WDR62: variants seen among roughly 807,000 people sequenced by gnomAD.
WDR62 encodes the protein WD repeat domain 62.
WDR62 carries 112 observed loss-of-function variants against 160.6 expected under a neutral mutation model. That is an observed-to-expected ratio of 0.70 (90% confidence interval 0.60 to 0.82). The LOEUF (loss-of-function observed/expected upper bound fraction) is 0.82, where lower values mean the gene tolerates loss of function less well. WDR62 is among the 40% of genes least tolerant of loss of function. The pLI is 0.00. For synonymous variants in WDR62, 792 were observed against 815.1 expected (o/e 0.97, Z 0.48); for missense variants, 1,819 against 1,983.8 (o/e 0.92, Z 1.58).
At chr19:36,068,254 G>A (rs1971050972) in intron 7 of WDR62, among the ~76,000 whole-genome samples, 1 of 152,228 alleles carries the variant, frequency 6.6e-6, no homozygotes, top group South Asian at 2.1e-4. Flanking sequence ...TTGGTACCCT[G>A]AAATGGGCTC....
intron 13 of WDR62, among the ~76,000 whole-genome samples, chr19:36,087,500 G>C (rs2145753539): frequency 6.8e-6 from 1 of 147,578 alleles, no homozygotes; most frequent in Middle Eastern, 3.7e-3. Flanking sequence ...GACAATGCGA[G>C]ACTTTGTCTC....
At chr19:36,085,565 G>A (rs567950348) in intron 12 of WDR62, among the ~76,000 whole-genome samples, 7 of 151,410 alleles carry the variant, frequency 4.6e-5, no homozygotes, top group South Asian at 4.2e-4. Context: ...TCAGCCTCTC[G>A]AGAGTAGCTG....
chr19:36,069,280 G>A (rs1188125175), intron 7 of WDR62, among the ~76,000 whole-genome samples: 21 of 151,742 alleles, frequency 1.4e-4, no homozygotes, highest in African/African-American at 4.8e-4. Context: ...CAGACGGGGC[G>A]GCTGCCGGGC....
chr19:36,081,970 C>T (rs535534289), intron 10 of WDR62: 93 of 397,608 alleles, frequency 2.3e-4, no homozygotes, highest in African/African-American at 1.1e-3. Context: ...AGAATGCTGG[C>T]GAGAGCCATG....
chr19:36,091,145 C>T (rs954988755), intron 16 of WDR62, 55 bp from the exon 17 acceptor site: 3 of 1,506,296 alleles, frequency 2.0e-6, no homozygotes, highest in South Asian at 2.3e-5. Context: ...GCCCAGGCCT[C>T]ATCATAAGGA....
chr19:36,083,029 G>T, intron 10 of WDR62, 34 bp from the exon 11 acceptor site: 2 of 1,596,690 alleles, frequency 1.3e-6, no homozygotes, highest in Non-Finnish European at 1.7e-6. Context: ...CTTCTGAGCT[G>T]CTCGTGCTGA....
Position 36,066,356 on chromosome 19 carries a change from T to C in WDR62, c.490T>C (p.Ser164Pro). 1 of 1,613,940 alleles carries C rather than the reference T, an allele frequency of 6.2e-7. No homozygotes were observed. The highest frequency in any genetic ancestry group is 8.5e-7 in the Non-Finnish European group (1 of 1,179,892). Residue 164 changes from serine (S) to proline (P), a missense_variant, in exon 5 of 32, where the codon TCA becomes CCA. Transcript: ENST00000401500. ...GTATGGTGTGGCGTGTGTGGCCTTC[T>C]CACCCAATATGAAGCACATCGTGTC... is the stretch of plus-strand genomic sequence containing the variant. ...HKYGVACVAF[S>P]PNMKHIVSMG...
chr19:36,086,389 C>T (rs567679844), intron 12 of WDR62, among the ~76,000 whole-genome samples: 21 of 152,280 alleles, frequency 1.4e-4, no homozygotes, highest in African/African-American at 3.8e-4. Flanking sequence ...CAGGCAAGAG[C>T]GCTGGGCTCT....
chr19:36,105,448 G>C (rs554115390), downstream of WDR62, among the ~76,000 whole-genome samples: 4 of 152,094 alleles, frequency 2.6e-5, no homozygotes, highest in Non-Finnish European at 5.9e-5. Flanking sequence ...TCCACGCTTT[G>C]CCATATCATG....
At position 36,090,480 on chromosome 19, in the gene WDR62, G is replaced by T. The variant is rs1158032223; in HGVS notation, c.1994G>T (p.Cys665Phe). The T allele has an allele frequency of 6.2e-7, 1 of 1,614,146 alleles. No individual in the cohort carries two copies. The highest frequency in any genetic ancestry group is 8.5e-7 in the Non-Finnish European group (1 of 1,180,006). Reference protein sequence around the residue: ...YNTVNGKQKKCYKGSQGDEGS... With the variant: ...YNTVNGKQKKFYKGSQGDEGS... ...ACTGTGAACGGGAAGCAGAAGAAGT[G>T]CTACAAGGGCTCCCAGGGTGACGAA... is the stretch of plus-strand genomic sequence containing the variant. The change falls in exon 16 of 32, where the codon TGC becomes TTC. Residue 665 changes from cysteine (C) to phenylalanine (F), a missense_variant. Transcript: ENST00000401500.
At chr19:36,088,987 C>G in intron 13 of WDR62, 51 bp from the exon 14 acceptor site, 5 of 1,603,288 alleles carry the variant, frequency 3.1e-6, no homozygotes, top group Non-Finnish European at 4.3e-6. Flanking sequence ...GCTAGGGTCC[C>G]CTGCCCATGT....
downstream of WDR62, among the ~76,000 whole-genome samples, chr19:36,106,041 C>T (rs1185504950): frequency 6.6e-6 from 1 of 152,164 alleles, no homozygotes; most frequent in Non-Finnish European, 1.5e-5. Flanking sequence ...AACAAGAAAC[C>T]CAGGCAGGCT....
the WDR62 span, chr19:36,111,098 T>C: frequency 9.5e-7 from 1 of 1,056,414 alleles, no homozygotes; most frequent in East Asian, 2.6e-5. Context: ...AGAATGAGGT[T>C]CCTCAGAGGC....
chr19:36,078,360 T>C (rs1341948555), intron 9 of WDR62, among the ~76,000 whole-genome samples: 1 of 149,790 alleles, frequency 6.7e-6, no homozygotes, highest in Non-Finnish European at 1.5e-5. Context: ...GTTGGCCAGG[T>C]TGGTCTCAAA....
At chr19:36,065,691 A>C (rs1326753012) in intron 3 of WDR62, among the ~76,000 whole-genome samples, 3 of 152,204 alleles carry the variant, frequency 2.0e-5, no homozygotes, top group Non-Finnish European at 4.4e-5. Context: ...GAGGGAGAAG[A>C]AAGCAGGGTC....
chr19:36,104,356 G>C lies in WDR62; in HGVS notation c.4154-162G>C, dbSNP rs2074436. Among the ~76,000 whole-genome samples the C allele has an allele frequency of 0.13, 19,768 of 152,132 alleles. 1,594 individuals carry two copies. The highest frequency in any genetic ancestry group is 0.29 in the East Asian group (1,511 of 5,156). On this transcript the variant is annotated intron_variant, in intron 30 of 31. Coordinates refer to ENST00000401500, the MANE Select transcript of WDR62 (RefSeq NM_001083961.2). ...GATAAGAAGAGGCTTCAGGGAGGAG[G>C]CTGCATTGGAGCAGAGACCTGTAGG...
chr19:36,081,476 G>C lies in WDR62; in HGVS notation c.1277G>C (p.Gly426Ala), dbSNP rs201542373. The change falls in exon 10 of 32, where the codon GGA becomes GCA. Residue 426 changes from glycine (G) to alanine (A), a missense_variant. By Grantham distance (60) the Gly-to-Ala change is moderately conservative (BLOSUM62 0). This residue lies in a region of WDR62 where 934 missense variants were observed against 1,157.2 expected (regional missense o/e 0.81). Transcript: ENST00000401500. ...GACCAGAGAGCTTGTTTGCCATCAGGATCCTTTCTGACTTGTTCTTCAGAC... is the reference window on the plus strand; with the variant it reads ...GACCAGAGAGCTTGTTTGCCATCAGCATCCTTTCTGACTTGTTCTTCAGAC... Reference protein sequence around the residue: ...FEDQRACLPSGSFLTCSSDNT... With the variant: ...FEDQRACLPSASFLTCSSDNT... 6.2e-7 allele frequency: 1 copy of C among 1,614,172 alleles called. No homozygotes were observed. The highest frequency in any genetic ancestry group is 2.2e-5 in the East Asian group (1 of 44,880).
At position 36,066,307 on chromosome 19, in the gene WDR62, G is replaced by T. The variant is rs1354869866; in HGVS notation, c.441G>T (p.Gln147His). ...TCTGGGATGTGGAGGAGAAGAATCAGGTGGCGGAGATGCTAGGCCACAAGT... is the reference window on the plus strand; with the variant it reads ...TCTGGGATGTGGAGGAGAAGAATCATGTGGCGGAGATGCTAGGCCACAAGT... ...VRIWDVEEKN[Q>H]VAEMLGHKYG... The change falls in exon 5 of 32, where the codon CAG becomes CAT. Residue 147 changes from glutamine to histidine, a missense_variant. By Grantham distance (24) the Gln-to-His change is conservative. Coordinates refer to ENST00000401500, the MANE Select transcript of WDR62 (RefSeq NM_001083961.2). 5 of 1,614,132 alleles carry T rather than the reference G, an allele frequency of 3.1e-6. No individual in the cohort carries two copies. The highest frequency in any genetic ancestry group is 4.2e-6 in the Non-Finnish European group (5 of 1,180,046).
At chr19:36,081,928 G>A (rs1971926077) in intron 10 of WDR62, 22 of 472,738 alleles carry the variant, frequency 4.7e-5, no homozygotes, top group South Asian at 3.3e-4. Flanking sequence ...CCATTCAGCT[G>A]CCACACAGTG....
Sources: allele counts gnomAD v4.1 joint callset (sites outside exome capture counted in the v4.1 genomes callset), GRCh38; gene constraint gnomAD v4.1.1; regional missense constraint gnomAD v4.1.1; transcripts MANE v1.5; gene names NCBI Gene and HGNC (gene_info 2026-07-23, HGNC 2026-07-21).